Variants in RIN2 observed in about 807,000 individuals in gnomAD.
RIN2 encodes RAB5 interacting protein 2.
In RIN2, 36 loss-of-function variants were observed where a neutral mutation model predicts 78.0. That is an observed-to-expected ratio of 0.46 (90% CI 0.35 to 0.61). RIN2 has a LOEUF of 0.61. RIN2 is among the 20% of genes least tolerant of loss of function. The pLI is 0.00. For synonymous variants in RIN2, 466 were observed against 466.8 expected (o/e 1.00, Z 0.02); for missense variants, 1,087 against 1,159.7 (o/e 0.94, Z 0.91).
intron 2 of RIN2, among the ~76,000 whole-genome samples, chr20:19,846,805 A>G (rs2036799034): frequency 1.3e-5 from 2 of 152,182 alleles, no homozygotes; most frequent in Non-Finnish European, 2.9e-5. Flanking sequence ...CCGGTTTTCA[A>G]AGGGAATGCT....
intron 2 of RIN2, among the ~76,000 whole-genome samples, chr20:19,883,381 C>A (rs1316586051): frequency 1.3e-5 from 2 of 150,272 alleles, no homozygotes; most frequent in East Asian, 3.9e-4. Flanking sequence ...TCTCTGTTAC[C>A]CAGGCTGGAG....
Position 19,955,197 on chromosome 20 carries a change from A to G in RIN2, c.159-1418A>G, listed in dbSNP as rs149152939. Among the ~76,000 whole-genome samples the G allele has an allele frequency of 4.9e-3, 753 of 152,274 alleles. 7 individuals are homozygous for G. The highest frequency in any genetic ancestry group is 4.4e-3 in the Non-Finnish European group (298 of 68,026). On this transcript the variant is annotated intron_variant, in intron 4 of 12. Coordinates refer to ENST00000255006, the MANE Select transcript of RIN2 (RefSeq NM_018993.4). ...TGTTCTGGATATTTCATGTAAATCG[A>G]GTCATTCAGTATGTGGCCTTATGTC...
At chr20:19,930,098 TG>T (rs1056903998) in intron 3 of RIN2, among the ~76,000 whole-genome samples, 3 of 70,432 alleles carry the variant, frequency 4.3e-5, no homozygotes, top group Non-Finnish European at 8.4e-5. Context: ...GGGCTGGGGC[TG>T]GGGGGGATGC....
chr20:19,917,731 A>G (rs1292671642), intron 3 of RIN2, among the ~76,000 whole-genome samples: 1 of 149,624 alleles, frequency 6.7e-6, no homozygotes, highest in East Asian at 2.0e-4. Flanking sequence ...GACATACAAT[A>G]TATCGATATA....
At chr20:19,977,674 C>T (rs532008382) in intron 9 of RIN2, among the ~76,000 whole-genome samples, 176 of 152,216 alleles carry the variant, frequency 1.2e-3, no homozygotes, top group Non-Finnish European at 2.3e-3. Flanking sequence ...CAGAAGCCCA[C>T]GTTTGCTGAG....
intron 4 of RIN2, among the ~76,000 whole-genome samples, chr20:19,937,751 T>C (rs1310807735): frequency 6.6e-6 from 1 of 152,232 alleles, no homozygotes; most frequent in Non-Finnish European, 1.5e-5. Flanking sequence ...TGTTTCAGCA[T>C]GTGCTTCCAT....
chr20:19,938,418 T>A (rs1271069855), intron 4 of RIN2, among the ~76,000 whole-genome samples: 1 of 151,224 alleles, frequency 6.6e-6, no homozygotes, highest in Non-Finnish European at 1.5e-5. Context: ...GAGATTGGGG[T>A]CTCTCTGTGT....
chr20:19,878,977 G>A (rs146142279), intron 2 of RIN2, among the ~76,000 whole-genome samples: 227 of 152,328 alleles, frequency 1.5e-3, no homozygotes, highest in Non-Finnish European at 2.7e-3. Flanking sequence ...GGAGTCAGAC[G>A]TCTGAACAAG....
chr20:19,774,061 G>C (rs2034227162), intron 1 of RIN2, among the ~76,000 whole-genome samples: 2 of 152,014 alleles, frequency 1.3e-5, no homozygotes, highest in African/African-American at 4.8e-5. Flanking sequence ...TGGAGCAACT[G>C]TGTTTATGGG....
chr20:19,936,524 C>A (rs186712707), intron 4 of RIN2, among the ~76,000 whole-genome samples: 32 of 152,246 alleles, frequency 2.1e-4, no homozygotes, highest in Non-Finnish European at 3.2e-4. Context: ...CCAGGAAAGG[C>A]GGCTCTGTGA....
rs776636138 is a variant in RIN2, at chr20:19,886,779, C to T, written c.-36-2787C>T. 41 of 1,526,138 alleles carry T rather than the reference C, an allele frequency of 2.7e-5. No individual in the cohort carries two copies. The highest frequency in any genetic ancestry group is 4.9e-5 in the East Asian group (2 of 40,798). 94.5% of individuals were successfully genotyped at this position (1,526,138 alleles called of 1,614,324 possible). A position where few individuals can be genotyped will look rare whatever the true frequency, so the allele number is the denominator to read the frequency against. On this transcript the variant is annotated intron_variant, in intron 2 of 12. Coordinates refer to ENST00000255006, the MANE Select transcript of RIN2 (RefSeq NM_018993.4). ...AGGAATTTCACAGCCTCTCAAACTACGGTACCCTTTTTGTTTCTTAGTCTA... is the reference window on the plus strand; with the variant it reads ...AGGAATTTCACAGCCTCTCAAACTATGGTACCCTTTTTGTTTCTTAGTCTA...
chr20:19,970,043 T>C (rs576422283), intron 7 of RIN2, among the ~76,000 whole-genome samples: 1 of 152,346 alleles, frequency 6.6e-6, no homozygotes, highest in South Asian at 2.1e-4. Flanking sequence ...GTTGGGTCTG[T>C]TGCTCTCTCT....
chr20:19,885,508 A>C (rs967979315), intron 2 of RIN2, among the ~76,000 whole-genome samples: 6 of 151,824 alleles, frequency 4.0e-5, no homozygotes, highest in African/African-American at 1.5e-4. Context: ...TCTACCAAAA[A>C]ATACAAAAAT....
rs539410980 is a variant in RIN2, at chr20:20,000,480, T to C, written c.2365-133T>C. ...TCTTTCCTTGCCATTCGAAGCCTCG[T>C]GGCCTGACATCGGACATTATGACAG... On this transcript the variant is annotated intron_variant, in intron 12 of 12. Transcript: ENST00000255006. 5.8e-5 allele frequency: 40 copies of C among 688,364 alleles called. No homozygotes were observed. In the African/African-American group the frequency reaches 6.5e-4, roughly 11 times the overall value. 42.6% of individuals were successfully genotyped at this position (688,364 alleles called of 1,614,324 possible). A position where few individuals can be genotyped will look rare whatever the true frequency, so the allele number is the denominator to read the frequency against.
chr20:19,983,316 C>A (rs1330297572), intron 9 of RIN2, among the ~76,000 whole-genome samples: 1 of 152,150 alleles, frequency 6.6e-6, no homozygotes, highest in Non-Finnish European at 1.5e-5. Flanking sequence ...ATAGAAGTTA[C>A]CTGGTTTGCA....
At chr20:19,810,631 T>C (rs1792256047) in intron 2 of RIN2, among the ~76,000 whole-genome samples, 2 of 151,946 alleles carry the variant, frequency 1.3e-5, no homozygotes, top group Admixed American at 1.3e-4. Context: ...TACAGCTTAT[T>C]GATGCTGAAA....
chr20:19,905,602 C>T (rs932280949), intron 3 of RIN2, among the ~76,000 whole-genome samples: 1 of 152,114 alleles, frequency 6.6e-6, no homozygotes. Context: ...TCTATTGGAG[C>T]TGGGCATGGT....
At chr20:19,942,760 A>G (rs1600885774) in intron 4 of RIN2, among the ~76,000 whole-genome samples, 1 of 152,196 alleles carries the variant, frequency 6.6e-6, no homozygotes, top group African/African-American at 2.4e-5. Context: ...GACGGGTAGC[A>G]CCTTCCAATG....
At chr20:19,823,242 A>G (rs6136849) in intron 2 of RIN2, among the ~76,000 whole-genome samples, 42,977 of 152,122 alleles carry the variant, frequency 0.28, 7,748 homozygotes, top group East Asian at 0.43. Context: ...GCTAACTGGC[A>G]GTGAACGTGC....
Sources: gnomAD v4.1 joint callset for allele counts (sites outside exome capture counted in the v4.1 genomes callset) on GRCh38, gnomAD v4.1.1 for gene constraint, MANE v1.5 for transcripts, NCBI Gene and HGNC (gene_info 2026-07-23, HGNC 2026-07-21) for gene names.